CYP2C19: variants seen among roughly 807,000 people sequenced by gnomAD.
CYP2C19 encodes cytochrome P450 family 2 subfamily C member 19.
In CYP2C19, 59 loss-of-function variants were observed where a neutral mutation model predicts 40.9. The ratio of observed to expected loss-of-function variants is 1.44; its 90% CI spans 1.17 to 1.79. CYP2C19 has a LOEUF of 1.79. CYP2C19 is among the 40% of genes most tolerant of loss of function. CYP2C19 has a pLI of 0.00. For synonymous variants in CYP2C19, 253 were observed against 208.7 expected, an observed-to-expected ratio of 1.21 and a Z score of -1.83; for missense variants, 754 against 596.9, an observed-to-expected ratio of 1.26 and a Z score of -2.74.
intron 5 of CYP2C19, among the ~76,000 whole-genome samples, chr10:94,794,494 G>C (rs973843028): frequency 6.6e-6 from 1 of 152,120 alleles, no homozygotes; most frequent in South Asian, 2.1e-4. Flanking sequence ...GAACCTCCCA[G>C]TATGGCCATT....
intron 6 of CYP2C19, among the ~76,000 whole-genome samples, chr10:94,841,744 T>C (rs866608296): frequency 6.6e-6 from 1 of 152,214 alleles, no homozygotes; most frequent in Non-Finnish European, 1.5e-5. Context: ...AATCTCTTCA[T>C]GGACCCACTG....
chr10:94,790,176 AT>A (rs1242982650), intron 5 of CYP2C19, among the ~76,000 whole-genome samples: 1 of 152,104 alleles, frequency 6.6e-6, no homozygotes, highest in Non-Finnish European at 1.5e-5. Context: ...AATGCTTATG[AT>A]TTTTGCACCT....
intron 5 of CYP2C19, among the ~76,000 whole-genome samples, chr10:94,808,588 G>C (rs2134258373): frequency 6.6e-6 from 1 of 152,070 alleles, no homozygotes; most frequent in East Asian, 1.9e-4. Context: ...CCCACTCACT[G>C]TCCCTCCCAG....
intron 5 of CYP2C19, among the ~76,000 whole-genome samples, chr10:94,786,105 T>G (rs1490724650): frequency 1.3e-5 from 2 of 152,058 alleles, no homozygotes; most frequent in Non-Finnish European, 2.9e-5. Flanking sequence ...TTCTCCTTTC[T>G]TCTGTTATTA....
chr10:94,764,735 A>C (rs137953491), intron 1 of CYP2C19, among the ~76,000 whole-genome samples: 124 of 152,256 alleles, frequency 8.1e-4, no homozygotes, highest in African/African-American at 2.9e-3. Flanking sequence ...TTCCATTTGT[A>C]AGACCATCTG....
Position 94,853,127 on chromosome 10 carries a change from A to G in CYP2C19, c.*213A>G. The G allele has an allele frequency of 1.8e-5, 10 of 569,444 alleles. No homozygotes were observed. Among genetic ancestry groups the G allele is most frequent in the Non-Finnish European group, 2.2e-5 (7 of 325,062 alleles). The allele number at this position is 569,444 out of a possible 1,614,324, so 35.3% of individuals were successfully genotyped here. Reference sequence around the variant, plus strand: ...CTCTATAATAGTTACATTGAGTGCCACATAATGCTGATACTTGTCTAATGT... The same window carrying G: ...CTCTATAATAGTTACATTGAGTGCCGCATAATGCTGATACTTGTCTAATGT... On this transcript the variant is annotated 3_prime_UTR_variant, in exon 9 of 9. Coordinates refer to ENST00000371321, the MANE Select transcript of CYP2C19 (RefSeq NM_000769.4).
At chr10:94,821,108 A>G (rs1303550212) in intron 6 of CYP2C19, among the ~76,000 whole-genome samples, 1 of 152,154 alleles carries the variant, frequency 6.6e-6, no homozygotes, top group Non-Finnish European at 1.5e-5. Flanking sequence ...GGAAAAGAAA[A>G]GAAAAGAAAA....
At chr10:94,826,481 A>C (rs936814775) in intron 6 of CYP2C19, among the ~76,000 whole-genome samples, 1 of 152,160 alleles carries the variant, frequency 6.6e-6, no homozygotes, top group Non-Finnish European at 1.5e-5. Context: ...GTGTATAAGA[A>C]TGCTTGTGAT....
rs1848187392 is a variant in CYP2C19 at position 94,762,718 on chromosome 10, G to A, written c.13G>A (p.Val5Met). The change falls in exon 1 of 9, where the codon GTG becomes ATG. Residue 5 changes from valine (V) to methionine (M), a missense_variant. By Grantham distance (21) the Val-to-Met change is conservative. Coordinates refer to ENST00000371321, the MANE Select transcript of CYP2C19 (RefSeq NM_000769.4). ...GGAGAAGGCTTCAATGGATCCTTTT[G>A]TGGTCCTTGTGCTCTGTCTCTCATG... The part of the protein sequence containing the change: MDPF[V>M]VLVLCLSCLL... 1 of 1,613,392 alleles carries A rather than the reference G, an allele frequency of 6.2e-7. No homozygotes were observed. Among genetic ancestry groups the A allele is most frequent in the African/African-American group, 1.3e-5 (1 of 74,894 alleles).
intron 5 of CYP2C19, among the ~76,000 whole-genome samples, chr10:94,785,119 G>A (rs1165195531): frequency 1.3e-5 from 2 of 151,896 alleles, no homozygotes; most frequent in South Asian, 2.1e-4. Flanking sequence ...TCTGTTGGTT[G>A]TCATTTCACA....
intron 6 of CYP2C19, among the ~76,000 whole-genome samples, chr10:94,823,514 T>C (rs1268017253): frequency 6.6e-6 from 1 of 152,166 alleles, no homozygotes; most frequent in Non-Finnish European, 1.5e-5. Flanking sequence ...AATGACATTT[T>C]TCTTTTGCCA....
At chr10:94,822,349 C>G (rs1029462497) in intron 6 of CYP2C19, among the ~76,000 whole-genome samples, 2 of 152,114 alleles carry the variant, frequency 1.3e-5, no homozygotes, top group Non-Finnish European at 2.9e-5. Context: ...TAAATTATGT[C>G]CCATTGAGTC....
At chr10:94,834,279 A>T (rs1849368919) in intron 6 of CYP2C19, among the ~76,000 whole-genome samples, 1 of 152,134 alleles carries the variant, frequency 6.6e-6, no homozygotes, top group Non-Finnish European at 1.5e-5. Context: ...TTTCCAATTT[A>T]TTGGCATATA....
At chr10:94,790,091 A>G (rs1450288885) in intron 5 of CYP2C19, among the ~76,000 whole-genome samples, 3 of 151,864 alleles carry the variant, frequency 2.0e-5, no homozygotes, top group African/African-American at 7.3e-5. Flanking sequence ...TAGGTATTTT[A>G]TTCTCTTTGT....
At chr10:94,827,346 T>G (rs537481430) in intron 6 of CYP2C19, among the ~76,000 whole-genome samples, 1 of 152,054 alleles carries the variant, frequency 6.6e-6, no homozygotes, top group South Asian at 2.1e-4. Flanking sequence ...CAGCTCCTGT[T>G]ATTGGTCTAT....
intron 3 of CYP2C19, among the ~76,000 whole-genome samples, chr10:94,778,941 G>T (rs1046693771): frequency 6.6e-6 from 1 of 152,136 alleles, no homozygotes; most frequent in Admixed American, 6.5e-5. Flanking sequence ...CCATTAAAAA[G>T]AATGAGTTCA....
intron 1 of CYP2C19, among the ~76,000 whole-genome samples, chr10:94,769,432 G>A (rs1848296651): frequency 6.6e-6 from 1 of 152,190 alleles, no homozygotes; most frequent in Non-Finnish European, 1.5e-5. Context: ...GAGTCAGAGT[G>A]CAGGGGAATA....
At chr10:94,765,166 A>T (rs547092170) in intron 1 of CYP2C19, among the ~76,000 whole-genome samples, 2 of 152,234 alleles carry the variant, frequency 1.3e-5, no homozygotes, top group South Asian at 4.1e-4. Context: ...TAGGATAATG[A>T]AGTAGATAAA....
At chr10:94,842,586 C>A (rs373198165) in intron 6 of CYP2C19, among the ~76,000 whole-genome samples, 2 of 151,734 alleles carry the variant, frequency 1.3e-5, no homozygotes, top group South Asian at 2.1e-4. Context: ...TTTCTTCCTG[C>A]CTTCCTTTAT....
Sources: allele counts gnomAD v4.1 joint callset (sites outside exome capture counted in the v4.1 genomes callset), GRCh38; gene constraint gnomAD v4.1.1; transcripts MANE v1.5; gene names NCBI Gene and HGNC (gene_info 2026-07-23, HGNC 2026-07-21).